Variants in OXR1 observed in about 807,000 individuals in gnomAD.
OXR1 encodes the protein oxidation resistance 1, also known as oxidation resistance protein 1.
Under a neutral mutation model 104.6 loss-of-function variants are expected in OXR1, and 41 were observed. The observed-to-expected ratio is 0.39, with a 90% CI of 0.31 to 0.51. OXR1 has a LOEUF of 0.51. Among genes scored for constraint, OXR1 ranks in the 20% least tolerant of loss-of-function variants. OXR1 has a pLI of 0.77. For missense variants in OXR1, 955 were observed against 1,031.9 expected (o/e 0.93, Z 1.02); for synonymous variants, 348 against 348.4 (o/e 1.00, Z 0.01).
intron 2 of OXR1, among the ~76,000 whole-genome samples, chr8:106,415,513 G>C (rs1009444719): frequency 6.6e-5 from 10 of 151,832 alleles, no homozygotes; most frequent in Non-Finnish European, 1.5e-4. Flanking sequence ...GTGTGTGTGT[G>C]TGTCTGTGTG....
chr8:106,729,482 C>T (rs998606272), intron 11 of OXR1, among the ~76,000 whole-genome samples: 1 of 151,908 alleles, frequency 6.6e-6, no homozygotes, highest in Non-Finnish European at 1.5e-5. Flanking sequence ...AAATGAGGCT[C>T]CCTAAGTTCA....
chr8:106,597,430 A>C (rs1308649380), intron 3 of OXR1, among the ~76,000 whole-genome samples: 2 of 152,170 alleles, frequency 1.3e-5, no homozygotes, highest in Admixed American at 6.5e-5. Flanking sequence ...TGTTCTTTGT[A>C]AGCCACAATC....
intron 3 of OXR1, among the ~76,000 whole-genome samples, chr8:106,557,647 G>T (rs1227839323): frequency 6.6e-6 from 1 of 151,742 alleles, no homozygotes; most frequent in Non-Finnish European, 1.5e-5. Context: ...GGATACTCTG[G>T]CAACAAAAAG....
intron 3 of OXR1, among the ~76,000 whole-genome samples, chr8:106,631,818 C>A (rs1277645863): frequency 6.6e-6 from 1 of 152,116 alleles, no homozygotes; most frequent in Admixed American, 6.5e-5. Context: ...GAACATATTG[C>A]TGAGATAGGG....
intron 2 of OXR1, among the ~76,000 whole-genome samples, chr8:106,512,748 AG>A (rs1398761585): frequency 2.0e-5 from 3 of 152,180 alleles, no homozygotes; most frequent in African/African-American, 7.2e-5. Flanking sequence ...TGATGATAGA[AG>A]GGTGGAGATA....
chr8:106,342,258 T>C (rs1210277671), intron 1 of OXR1, among the ~76,000 whole-genome samples: 1 of 150,572 alleles, frequency 6.6e-6, no homozygotes, highest in Non-Finnish European at 1.5e-5. Flanking sequence ...TTTTCTTTTT[T>C]TTTTTTTCTC....
intron 3 of OXR1, among the ~76,000 whole-genome samples, chr8:106,670,281 G>A (rs1439855838): frequency 6.6e-6 from 1 of 152,160 alleles, no homozygotes; most frequent in Non-Finnish European, 1.5e-5. Context: ...CAAAATTTCT[G>A]TAACTTAATT....
At chr8:106,656,728 G>A (rs558749655) in intron 3 of OXR1, among the ~76,000 whole-genome samples, 2 of 151,632 alleles carry the variant, frequency 1.3e-5, no homozygotes, top group Admixed American at 1.3e-4. Flanking sequence ...AGGCATAATG[G>A]TGATGGCTGA....
chr8:106,557,735 A>G (rs1435318995), intron 3 of OXR1, among the ~76,000 whole-genome samples: 1 of 152,202 alleles, frequency 6.6e-6, no homozygotes, highest in Non-Finnish European at 1.5e-5. Context: ...TGCAAGAACA[A>G]GCCCTTACAG....
At chr8:106,555,928 GTACA>G (rs1261565647) in intron 3 of OXR1, among the ~76,000 whole-genome samples, 4 of 142,536 alleles carry the variant, frequency 2.8e-5, no homozygotes, top group African/African-American at 7.7e-5. Context: ...GTATATATAT[GTACA>G]TATATATATA....
chr8:106,324,116 T>G (rs899054521), intron 1 of OXR1, among the ~76,000 whole-genome samples: 8 of 152,132 alleles, frequency 5.3e-5, no homozygotes, highest in South Asian at 2.1e-4. Context: ...AACCTAACTG[T>G]CCATCAATGA....
At chr8:106,684,614 A>G (rs1039601303) in intron 6 of OXR1, among the ~76,000 whole-genome samples, 5 of 152,214 alleles carry the variant, frequency 3.3e-5, no homozygotes, top group African/African-American at 7.2e-5. Context: ...TAAAGAACAT[A>G]TATAATTTAA....
At chr8:106,635,242 A>C (rs1319800062) in intron 3 of OXR1, among the ~76,000 whole-genome samples, 1 of 152,206 alleles carries the variant, frequency 6.6e-6, no homozygotes, top group East Asian at 1.9e-4. Context: ...TGAAGTGTAT[A>C]TGTCTAGAAT....
At chr8:106,437,806 T>C (rs988604206) in intron 2 of OXR1, among the ~76,000 whole-genome samples, 1 of 152,160 alleles carries the variant, frequency 6.6e-6, no homozygotes, top group African/African-American at 2.4e-5. Context: ...CAAAATGAAT[T>C]GAGAATCTAT....
chr8:106,297,489 T>G (rs979763636), intron 1 of OXR1, among the ~76,000 whole-genome samples: 2 of 152,214 alleles, frequency 1.3e-5, no homozygotes, highest in Non-Finnish European at 2.9e-5. Flanking sequence ...TGGTATAGAC[T>G]ATTGTTCCTA....
intron 2 of OXR1, among the ~76,000 whole-genome samples, chr8:106,515,772 G>A (rs1179547148): frequency 6.6e-6 from 1 of 152,022 alleles, no homozygotes; most frequent in Non-Finnish European, 1.5e-5. Context: ...GTTATTGGGA[G>A]GAACAAGGCA....
intron 1 of OXR1, among the ~76,000 whole-genome samples, chr8:106,288,510 G>A (rs192260889): frequency 1.1e-4 from 15 of 131,796 alleles, no homozygotes; most frequent in Admixed American, 6.9e-4. Flanking sequence ...ACCTAAATAT[G>A]TGTGTGTATA....
intron 2 of OXR1, among the ~76,000 whole-genome samples, chr8:106,488,605 G>A (rs1277019235): frequency 6.6e-6 from 1 of 151,086 alleles, no homozygotes; most frequent in Non-Finnish European, 1.5e-5. Flanking sequence ...TTTGTATAAG[G>A]TGTAAGGAAG....
chr8:106,294,414 A>G (rs1044279446), intron 1 of OXR1, among the ~76,000 whole-genome samples: 2 of 150,224 alleles, frequency 1.3e-5, no homozygotes, highest in East Asian at 2.0e-4. Context: ...AAAAAAAAAA[A>G]AGAAAGAAAG....
Sources: allele counts gnomAD v4.1 joint callset (sites outside exome capture counted in the v4.1 genomes callset), GRCh38; gene constraint gnomAD v4.1.1; transcripts MANE v1.5; gene names NCBI Gene and HGNC (gene_info 2026-07-23, HGNC 2026-07-21).